Variants in UNC45B observed in about 807,000 individuals in gnomAD.
The protein encoded by UNC45B is protein unc-45 homolog B.
In UNC45B, 78 loss-of-function variants were observed where a neutral mutation model predicts 98.7. The observed-to-expected ratio is 0.79, with a 90% CI of 0.66 to 0.95. UNC45B has a LOEUF of 0.95. UNC45B is among the 40% of genes least tolerant of loss of function. The pLI, the probability that UNC45B is intolerant of heterozygous loss-of-function variation, is 0.00. For missense variants in UNC45B, 1,225 were observed against 1,184.9 expected, an observed-to-expected ratio of 1.03 and a Z score of -0.50; for synonymous variants, 462 against 480.4, an observed-to-expected ratio of 0.96 and a Z score of 0.50.
In UNC45B at chr17:35,183,507, G is replaced by A. The variant is rs1449877085; in HGVS notation, c.2454G>A (p.Val818=). The A allele has an allele frequency of 1.2e-6, 2 of 1,606,516 alleles. No individual in the cohort carries two copies. Among genetic ancestry groups the A allele is most frequent in the South Asian group, 1.1e-5 (1 of 89,982 alleles). ...VLLCGEDDDK[V]QNAAAGALAM... is the part of the protein sequence containing the mutation. ...TCTGCGGGGAGGATGATGATAAGGT[G>A]CAGAATGCGGCTGCAGGGGCTCTGG... Residue 818 remains valine, a synonymous_variant, in exon 19 of 20, where the codon GTG becomes GTA. Coordinates refer to ENST00000394570, the MANE Select transcript of UNC45B (RefSeq NM_001267052.2).
intron 12 of UNC45B, among the ~76,000 whole-genome samples, 182 bp from the exon 13 acceptor site, chr17:35,171,140 C>T (rs948307061): frequency 1.3e-5 from 2 of 152,210 alleles, no homozygotes; most frequent in Non-Finnish European, 2.9e-5. Flanking sequence ...GGAGACACTG[C>T]TGCCTGCCTT....
intron 19 of UNC45B, among the ~76,000 whole-genome samples, chr17:35,184,766 C>T (rs571338626): frequency 6.6e-6 from 1 of 152,168 alleles, no homozygotes; most frequent in Non-Finnish European, 1.5e-5. Flanking sequence ...GCCACTTTGT[C>T]GGTCTTCCTT....
chr17:35,148,683 A>G (rs1443241126), intron 2 of UNC45B, among the ~76,000 whole-genome samples: 2 of 152,244 alleles, frequency 1.3e-5, no homozygotes, highest in East Asian at 3.9e-4. Flanking sequence ...CCCGTGAGAT[A>G]GCTGTTGTTG....
chr17:35,149,994 G>A (rs1253489880), intron 3 of UNC45B, 54 bp from the exon 4 acceptor site: 14 of 1,504,490 alleles, frequency 9.3e-6, no homozygotes, highest in Non-Finnish European at 1.2e-5. Context: ...CAGTGGGGCT[G>A]GTGGTCTGTA....
intron 9 of UNC45B, among the ~76,000 whole-genome samples, chr17:35,165,629 T>A (rs1451964680): frequency 6.6e-6 from 1 of 152,152 alleles, no homozygotes; most frequent in African/African-American, 2.4e-5. Flanking sequence ...AACATATTTT[T>A]AAAAATCCTT....
At chr17:35,179,792 C>T (rs2092261073) in intron 17 of UNC45B, among the ~76,000 whole-genome samples, 1 of 152,086 alleles carries the variant, frequency 6.6e-6, no homozygotes, top group South Asian at 2.1e-4. Context: ...GGAGAAATAC[C>T]CTAATGTAAA....
At chr17:35,149,112 G>A in intron 3 of UNC45B, 103 bp downstream of exon 3, 5 of 1,362,648 alleles carry the variant, frequency 3.7e-6, no homozygotes, top group Non-Finnish European at 5.2e-6. Context: ...TGAGTATGGA[G>A]TGACTTCAGA....
chr17:35,179,533 A>T (rs1419901983), intron 17 of UNC45B, among the ~76,000 whole-genome samples: 1 of 152,238 alleles, frequency 6.6e-6, no homozygotes, highest in Non-Finnish European at 1.5e-5. Flanking sequence ...TGGATTAAGA[A>T]AATGTGACAC....
Position 35,152,846 on chromosome 17 carries a change from A to G in UNC45B, c.382-47A>G, listed in dbSNP as rs762637078. On this transcript the variant is annotated intron_variant, in intron 4 of 19. Transcript: ENST00000394570. ...ATGAACTGAATGTGGAGCTGAAATG[A>G]CGTGGACCCCACCTGCCTCCTTCCC... 4.2e-6 allele frequency: 6 copies of G among 1,443,268 alleles called. No individual in the cohort carries two copies. The South Asian group carries it at 6.8e-5, about 16-fold the overall frequency. The allele number at this position is 1,443,268 out of a possible 1,614,324, so 89.4% of individuals were successfully genotyped here. A position where few individuals can be genotyped will look rare whatever the true frequency, so the allele number is the denominator to read the frequency against.
At chr17:35,148,504 C>G in intron 2 of UNC45B, 73 bp downstream of exon 2, 1 of 1,517,376 alleles carries the variant, frequency 6.6e-7, no homozygotes, top group African/African-American at 1.4e-5. Context: ...GCCCCTTCAC[C>G]CTGATAGAAA....
chr17:35,185,179 T>C (rs372167322), intron 19 of UNC45B, among the ~76,000 whole-genome samples: 9 of 152,310 alleles, frequency 5.9e-5, no homozygotes, highest in East Asian at 3.9e-4. Flanking sequence ...TTGCCTTTTC[T>C]TCCCCCCGTG....
intron 8 of UNC45B, among the ~76,000 whole-genome samples, chr17:35,161,534 G>A (rs1004463922): frequency 6.6e-6 from 1 of 152,140 alleles, no homozygotes; most frequent in African/African-American, 2.4e-5. Context: ...GACCCAGGCT[G>A]GGGAGTCTGT....
At chr17:35,175,081 A>AAGAAAGAAAGAAAG (rs1832677175) in intron 14 of UNC45B, among the ~76,000 whole-genome samples, 1 of 98,122 alleles carries the variant, frequency 1.0e-5, no homozygotes, top group African/African-American at 4.4e-5. Context: ...GAAAGAAAGA[A>AAGAAAGAAAGAAAG]AGAAAGAGAA....
In UNC45B at chr17:35,188,277, T is replaced by G. The variant is rs2092315193; in HGVS notation, c.*1718T>G. 2 of 152,226 alleles carry G rather than the reference T, an allele frequency of 1.3e-5. No homozygotes were observed. Among genetic ancestry groups the G allele is most frequent in the South Asian group, 4.1e-4 (2 of 4,834 alleles). The allele number at this position is 152,226 out of a possible 1,614,324, so 9.4% of individuals were successfully genotyped here. On this transcript the variant is annotated 3_prime_UTR_variant, in exon 20 of 20. Transcript: ENST00000394570. ...AAATATACACAATAAATGGCATGAT[T>G]TGACCTCTGTCAAATTCTTCTTTCC... is the stretch of plus-strand genomic sequence containing the variant.
Position 35,183,498 on chromosome 17 carries a change from T to C in UNC45B, c.2445T>C (p.Asp815=). Residue 815 remains aspartate, a synonymous_variant, in exon 19 of 20, where the codon GAT becomes GAC. Coordinates refer to ENST00000394570, the MANE Select transcript of UNC45B (RefSeq NM_001267052.2). ...TGGTGCTGCTCTGCGGGGAGGATGATGATAAGGTGCAGAATGCGGCTGCAG... is the reference window on the plus strand; with the variant it reads ...TGGTGCTGCTCTGCGGGGAGGATGACGATAAGGTGCAGAATGCGGCTGCAG... The part of the protein sequence containing the change: ...KLVVLLCGED[D]DKVQNAAAGA... The C allele has an allele frequency of 6.2e-7, 1 of 1,606,444 alleles. No homozygotes were observed. The highest frequency in any genetic ancestry group is 8.5e-7 in the Non-Finnish European group (1 of 1,176,000).
intron 17 of UNC45B, 69 bp downstream of exon 17, chr17:35,177,679 A>T (rs1280127375): frequency 8.4e-7 from 1 of 1,193,590 alleles, no homozygotes; most frequent in Non-Finnish European, 1.2e-6. Flanking sequence ...AATTTCACAT[A>T]ATGTGCTGAG....
intron 19 of UNC45B, among the ~76,000 whole-genome samples, chr17:35,184,051 C>T (rs986169060): frequency 6.6e-6 from 1 of 152,170 alleles, no homozygotes; most frequent in Non-Finnish European, 1.5e-5. Flanking sequence ...TAGTCACAAA[C>T]GTGGGAGTGC....
intron 17 of UNC45B, among the ~76,000 whole-genome samples, chr17:35,179,667 C>T (rs936482526): frequency 3.9e-5 from 6 of 152,004 alleles, no homozygotes; most frequent in Non-Finnish European, 8.8e-5. Flanking sequence ...AACCAAACAC[C>T]GCATGTTCTC....
At chr17:35,164,253 A>G in intron 9 of UNC45B, 87 bp downstream of exon 9, 11 of 1,451,820 alleles carry the variant, frequency 7.6e-6, no homozygotes, top group Non-Finnish European at 1.0e-5. Context: ...TTAGCAGCTC[A>G]AACAATAGTG....
Sources: gnomAD v4.1 joint callset for allele counts (sites outside exome capture counted in the v4.1 genomes callset) on GRCh38, gnomAD v4.1.1 for gene constraint, MANE v1.5 for transcripts, NCBI Gene and HGNC (gene_info 2026-07-23, HGNC 2026-07-21) for gene names.